BCAR1: variants seen among roughly 807,000 people sequenced by gnomAD.
BCAR1 encodes breast cancer anti-estrogen resistance protein 1.
A neutral mutation model predicts 67.6 loss-of-function variants in BCAR1; 30 were observed. The observed-to-expected ratio is 0.44, with a 90% CI of 0.33 to 0.60. The LOEUF is 0.60. Ranked by LOEUF, BCAR1 falls within the 20% of genes least tolerant of loss-of-function variation. BCAR1 has a pLI of 0.02. For missense variants in BCAR1, 1,313 were observed against 1,222.3 expected (o/e 1.07, Z -1.11); for synonymous variants, 626 against 556.7 (o/e 1.12, Z -1.75).
intron 2 of BCAR1, among the ~76,000 whole-genome samples, chr16:75,241,393 G>C (rs1369076161): frequency 6.6e-6 from 1 of 152,126 alleles, no homozygotes; most frequent in East Asian, 1.9e-4. Context: ...ATCTGTGTGG[G>C]GTGTGGGTAT....
At chr16:75,237,156 T>C in intron 3 of BCAR1, 27 bp downstream of exon 3, 1 of 1,498,034 alleles carries the variant, frequency 6.7e-7, no homozygotes. Context: ...CGCCCTGCCC[T>C]CCCACCGCTG....
At chr16:75,252,032 A>G (rs1182675233), upstream of BCAR1, among the ~76,000 whole-genome samples, 2 of 152,116 alleles carry the variant, frequency 1.3e-5, no homozygotes, top group Non-Finnish European at 2.9e-5. Flanking sequence ...CAGGGCATTC[A>G]TCGCGTGTCC....
intron 1 of BCAR1, among the ~76,000 whole-genome samples, chr16:75,245,390 G>T (rs533190139): frequency 3.3e-5 from 5 of 152,312 alleles, no homozygotes; most frequent in Non-Finnish European, 5.9e-5. Flanking sequence ...GGACCGCCCC[G>T]CGAAGGCCCC....
chr16:75,257,885 C>A (rs1396855088), intron 1 of BCAR1, among the ~76,000 whole-genome samples: 1 of 152,244 alleles, frequency 6.6e-6, no homozygotes, highest in African/African-American at 2.4e-5. Context: ...GGCTCTCGCC[C>A]AGGCTTAGAC....
At chr16:75,237,990 G>A in intron 2 of BCAR1, 1 of 1,268,752 alleles carries the variant, frequency 7.9e-7, no homozygotes, top group East Asian at 5.6e-5. Context: ...TGCCCCGGGG[G>A]AGCTGCCTGC....
rs2077062640 is a variant in BCAR1 at position 75,235,178 on chromosome 16, T to G, written c.1721A>C (p.Glu574Ala). 6.2e-7 allele frequency: 1 copy of G among 1,608,900 alleles called. No individual in the cohort carries two copies. Among genetic ancestry groups the G allele is most frequent in the Non-Finnish European group, 8.5e-7 (1 of 1,179,674 alleles). ...GCAGGCCACCAGCCGGTCCAGGTCC[T>G]CAAGGGTGGCTCCAGAGCCTCCCCG... The part of the protein sequence containing the change: ...AGRGGSGATL[E>A]DLDRLVACSR... Residue 574 changes from glutamate (E) to alanine (A), a missense_variant, in exon 5 of 7, where the codon GAG becomes GCG. Transcript: ENST00000162330.
chr16:75,266,528 C>T, intron 1 of BCAR1: 1 of 409,508 alleles, frequency 2.4e-6, no homozygotes, highest in Non-Finnish European at 4.2e-6. Context: ...CTTCGTGGGC[C>T]TGAGACTTCC....
chr16:75,252,191 G>C (rs899658303), upstream of BCAR1: 2 of 1,536,204 alleles, frequency 1.3e-6, no homozygotes, highest in Non-Finnish European at 1.7e-6. Context: ...AAGCAGGGAG[G>C]CTGGCGAGCT....
Position 75,229,852 on chromosome 16 carries a change from G to T in BCAR1, c.2272C>A (p.Leu758Met), listed in dbSNP as rs141222604. Residue 758 changes from leucine (L) to methionine (M), a missense_variant, in exon 7 of 7, where the codon CTG becomes ATG. Coordinates refer to ENST00000162330, the MANE Select transcript of BCAR1 (RefSeq NM_014567.5). Reference protein sequence around the residue: ...LEQCEANLTTLTNAVDAFFTA... With the variant: ...LEQCEANLTTMTNAVDAFFTA... ...AAGAAGGCGTCCACGGCGTTGGTCA[G>T]TGTGGTCAGGTTGGCCTCACACTGC... 2.8e-5 allele frequency: 45 copies of T among 1,613,388 alleles called. No individual in the cohort carries two copies. The African/African-American group carries it at 4.5e-4, about 16-fold the overall frequency.
chr16:75,245,705 C>T (rs2077492644), intron 1 of BCAR1, among the ~76,000 whole-genome samples: 1 of 152,226 alleles, frequency 6.6e-6, no homozygotes, highest in South Asian at 2.1e-4. Context: ...GCTTCCCCGC[C>T]TGCGTCAGCT....
intron 1 of BCAR1, chr16:75,266,808 C>T (rs1378479157): frequency 1.1e-5 from 16 of 1,412,006 alleles, no homozygotes; most frequent in Admixed American, 2.3e-5. Flanking sequence ...GGGTCCAGAG[C>T]ACTGTCCCGG....
chr16:75,237,983 C>T, intron 2 of BCAR1: 3 of 1,257,774 alleles, frequency 2.4e-6, no homozygotes, highest in Non-Finnish European at 3.1e-6. Context: ...CCGCGCCTGC[C>T]CCGGGGGAGC....
intron 2 of BCAR1, among the ~76,000 whole-genome samples, chr16:75,237,933 G>T (rs940897291): frequency 6.6e-6 from 1 of 152,188 alleles, no homozygotes; most frequent in African/African-American, 2.4e-5. Flanking sequence ...TTGGGTGTGT[G>T]CTGGGGGGCG....
chr16:75,243,153 A>G, intron 1 of BCAR1, 63 bp from the exon 2 acceptor site: 2 of 1,502,102 alleles, frequency 1.3e-6, no homozygotes, highest in Non-Finnish European at 1.8e-6. Flanking sequence ...GGGGCTCCCC[A>G]GCTCCTGCCC....
intron 1 of BCAR1, 72 bp from the exon 2 acceptor site, chr16:75,243,162 C>T: frequency 2.0e-6 from 3 of 1,479,356 alleles, no homozygotes; most frequent in East Asian, 2.3e-5. Context: ...CAGCTCCTGC[C>T]CTGCTCTGGG....
upstream of BCAR1, among the ~76,000 whole-genome samples, chr16:75,255,702 CA>C (rs890682865): frequency 6.8e-5 from 10 of 146,058 alleles, no homozygotes; most frequent in African/African-American, 1.5e-4. Context: ...AAAAAAAAAA[CA>C]AAAAACAGCT....
intron 1 of BCAR1, 150 bp from the exon 2 acceptor site, chr16:75,243,240 T>A: frequency 1.2e-6 from 1 of 824,746 alleles, no homozygotes; most frequent in East Asian, 2.7e-5. Context: ...TGCCTTTGCC[T>A]CCACTGTCCC....
At chr16:75,236,060 C>CCCCA (rs2077121047) in intron 4 of BCAR1, 74 bp from the exon 5 acceptor site, 3 of 1,367,860 alleles carry the variant, frequency 2.2e-6, no homozygotes, top group Non-Finnish European at 9.7e-7. Flanking sequence ...CAGCACCCAG[C>CCCCA]CACACACACA....
rs1055325751 is a variant in BCAR1 at position 75,258,979 on chromosome 16, C to T, written c.66+8936G>A. Among the ~76,000 whole-genome samples the T allele has an allele frequency of 2.0e-5, 3 of 152,116 alleles. No individual in the cohort carries two copies. The East Asian group carries it at 5.8e-4, about 29-fold the overall frequency. ...GCCTGGGAAGGAGGAGGAGGAGGGA[C>T]GCAGGTAGCTTCTGCTGCATCCTCT... On this transcript the variant is annotated intron_variant, in intron 1 of 6. Transcript: ENST00000393422.
Sources: allele counts gnomAD v4.1 joint callset (sites outside exome capture counted in the v4.1 genomes callset), GRCh38; gene constraint gnomAD v4.1.1; transcripts MANE v1.5; gene names NCBI Gene and HGNC (gene_info 2026-07-23, HGNC 2026-07-21).